The following MUC13 variants were observed in gnomAD, a reference collection of about 807,000 sequenced individuals.
The protein encoded by MUC13 is mucin-13.
Under a neutral mutation model 48.3 loss-of-function variants are expected in MUC13, and 32 were observed. The observed-to-expected ratio is 0.66, with a 90% CI of 0.50 to 0.89. The LOEUF (loss-of-function observed/expected upper bound fraction) is 0.89, where lower values mean the gene tolerates loss of function less well. Ranked by LOEUF, MUC13 falls within the 40% of genes least tolerant of loss-of-function variation. The pLI, the probability that MUC13 is intolerant of heterozygous loss-of-function variation, is 0.00. For missense variants in MUC13, 571 were observed against 622.8 expected (o/e 0.92, Z 0.88); for synonymous variants, 199 against 224.9 (o/e 0.88, Z 1.03).
At chr3:124,924,450 T>C (rs558217854) in intron 2 of MUC13, among the ~76,000 whole-genome samples, 17 of 152,328 alleles carry the variant, frequency 1.1e-4, no homozygotes, top group Non-Finnish European at 2.1e-4. Flanking sequence ...TTCTGAGCTG[T>C]GATGTCAGAA....
At chr3:124,923,403 GT>G in intron 3 of MUC13, 123 bp downstream of exon 3, 1 of 1,037,438 alleles carries the variant, frequency 9.6e-7, no homozygotes, top group Non-Finnish European at 1.4e-6. Context: ...GCTGGCCTTT[GT>G]TGCCTCTGCA....
At position 124,910,510 on chromosome 3, in the gene MUC13, G is replaced by A; in HGVS notation, c.1253-11C>T. 2 of 1,613,904 alleles carry A rather than the reference G, an allele frequency of 1.2e-6. No homozygotes were observed. Among genetic ancestry groups the A allele is most frequent in the Non-Finnish European group, 1.7e-6 (2 of 1,179,854 alleles). On this transcript the variant is annotated splice_polypyrimidine_tract_variant and intron_variant, in intron 9 of 11. Coordinates refer to ENST00000616727, the MANE Select transcript of MUC13 (RefSeq NM_033049.4). ...GGATCAGCTGAAATTCTGAAAGGAAGAAGAAAATAAGAACAGTCTCCAACA... is the reference window on the plus strand; with the variant it reads ...GGATCAGCTGAAATTCTGAAAGGAAAAAGAAAATAAGAACAGTCTCCAACA...
rs138692223 is a variant in MUC13 at position 124,917,126 on chromosome 3, G to GTC, written c.801-648_801-647dup. On this transcript the variant is annotated intron_variant, in intron 5 of 11. Transcript: ENST00000616727. The stretch of plus-strand genomic sequence containing the variant: ...CTGCCATGAGCAAGACATTGTCACT[G>GTC]TCTCTCTCTCTCTCTCTCTAATCAG... Among the ~76,000 whole-genome samples, 511 of 149,816 alleles carry GTC rather than the reference G, an allele frequency of 3.4e-3. 4 individuals carry two copies. The highest frequency in any genetic ancestry group is 0.011 in the African/African-American group (448 of 40,984).
chr3:124,910,088 C>T (rs961315589), intron 10 of MUC13, among the ~76,000 whole-genome samples: 1 of 152,218 alleles, frequency 6.6e-6, no homozygotes, highest in East Asian at 1.9e-4. Context: ...CATGGTCCTG[C>T]TATTGCCTAT....
At chr3:124,919,881 C>T (rs890218093) in intron 5 of MUC13, among the ~76,000 whole-genome samples, 3 of 152,174 alleles carry the variant, frequency 2.0e-5, no homozygotes, top group Non-Finnish European at 2.9e-5. Context: ...AGTCTCCCCC[C>T]GGCCCACTGG....
chr3:124,922,672 C>T (rs1935620456), intron 3 of MUC13, among the ~76,000 whole-genome samples: 2 of 560 alleles, frequency 3.6e-3, no homozygotes, highest in Admixed American at 0.023. Flanking sequence ...AGTGGCACAA[C>T]TGGGTCACTG....
At chr3:124,919,532 G>A (rs1935559922) in intron 5 of MUC13, among the ~76,000 whole-genome samples, 1 of 151,910 alleles carries the variant, frequency 6.6e-6, no homozygotes, top group Non-Finnish European at 1.5e-5. Context: ...AAATACAATA[G>A]TAAGACTTAA....
chr3:124,913,766 G>C (rs1363516139), intron 6 of MUC13, 85 bp from the exon 7 acceptor site: 2 of 1,517,182 alleles, frequency 1.3e-6, no homozygotes, highest in Non-Finnish European at 1.8e-6. Context: ...CCCCATTGCT[G>C]TTATACTTTG....
At chr3:124,912,691 A>G (rs1264188271) in intron 8 of MUC13, among the ~76,000 whole-genome samples, 2 of 152,176 alleles carry the variant, frequency 1.3e-5, no homozygotes, top group Non-Finnish European at 2.9e-5. Flanking sequence ...TAATCCCAGC[A>G]CTTTGGGAGG....
chr3:124,932,767 C>T (rs1019139878), intron 1 of MUC13, among the ~76,000 whole-genome samples: 4 of 152,032 alleles, frequency 2.6e-5, no homozygotes, highest in Non-Finnish European at 4.4e-5. Flanking sequence ...GGGTCAGAGA[C>T]ACCCCACAGC....
At position 124,934,645 on chromosome 3, in the gene MUC13, TA is replaced by T; in HGVS notation, c.52+15del. Reference sequence around the variant, plus strand: ...ATACATGATTGGAAGAATTAAAATGTAAAAATATTCCTTACCTGTGTTTACA... The same window carrying T: ...ATACATGATTGGAAGAATTAAAATGTAAAATATTCCTTACCTGTGTTTACA... On this transcript the variant is annotated intron_variant, in intron 1 of 11. Transcript: ENST00000616727. 1 of 1,579,498 alleles carries T rather than the reference TA, an allele frequency of 6.3e-7. No homozygotes were observed. Among genetic ancestry groups the T allele is most frequent in the Non-Finnish European group, 8.7e-7 (1 of 1,149,084 alleles).
chr3:124,909,381 T>C (rs1250738845), intron 10 of MUC13, among the ~76,000 whole-genome samples: 1 of 152,096 alleles, frequency 6.6e-6, no homozygotes, highest in Non-Finnish European at 1.5e-5. Flanking sequence ...CTTTAGTCTA[T>C]CTAAATATTT....
At chr3:124,914,736 A>G (rs1935481932) in intron 6 of MUC13, among the ~76,000 whole-genome samples, 1 of 152,092 alleles carries the variant, frequency 6.6e-6, no homozygotes, top group East Asian at 1.9e-4. Context: ...AGACCAGCCC[A>G]GCCAAAATGG....
rs755238383 is a variant in MUC13, at chr3:124,908,269, C to T, written c.1417G>A (p.Gly473Ser). 7 of 1,614,216 alleles carry T rather than the reference C, an allele frequency of 4.3e-6. No homozygotes were observed. The South Asian group carries it at 7.7e-5, about 18-fold the overall frequency. ...CCTTCTGCTCCAAGATTGGTGAAGC[C>T]TGTCGACCGCAGTTTTAGATTTTGA... ...DFQNLKLRST[G>S]FTNLGAEGSV... Residue 473 changes from glycine (G) to serine (S), a missense_variant, in exon 11 of 12, where the codon GGC becomes AGC. Transcript: ENST00000616727.
chr3:124,911,054 A>G (rs1579361876), intron 9 of MUC13, among the ~76,000 whole-genome samples: 1 of 152,206 alleles, frequency 6.6e-6, no homozygotes, highest in East Asian at 1.9e-4. Context: ...CAGATTGCAA[A>G]CACTTCATGT....
intron 9 of MUC13, 53 bp downstream of exon 9, chr3:124,912,051 G>T: frequency 1.3e-6 from 2 of 1,593,892 alleles, no homozygotes; most frequent in South Asian, 1.1e-5. Flanking sequence ...GGTCACTATT[G>T]ATTTCTCAGA....
At chr3:124,915,791 TCCTCCCACCTCAG>T (rs147499411) in intron 6 of MUC13, among the ~76,000 whole-genome samples, 2,365 of 152,208 alleles carry the variant, frequency 0.016, 59 homozygotes, top group African/African-American at 0.054. Flanking sequence ...GCTTATGCAA[TCCTCCCACCTCAG>T]CCTCCCAAGT....
intron 1 of MUC13, among the ~76,000 whole-genome samples, chr3:124,931,914 G>A (rs959749137): frequency 2.7e-5 from 4 of 149,540 alleles, no homozygotes; most frequent in Non-Finnish European, 5.9e-5. Flanking sequence ...GTGTGGTAGT[G>A]AGCACCTGTA....
chr3:124,929,487 T>C (rs543832632), intron 1 of MUC13, among the ~76,000 whole-genome samples: 1 of 152,348 alleles, frequency 6.6e-6, no homozygotes, highest in East Asian at 1.9e-4. Context: ...TGCTTCCTGA[T>C]TCCCCGATGG....
Sources: allele counts gnomAD v4.1 joint callset (sites outside exome capture counted in the v4.1 genomes callset), GRCh38; gene constraint gnomAD v4.1.1; transcripts MANE v1.5; gene names NCBI Gene and HGNC (gene_info 2026-07-23, HGNC 2026-07-21).